The following HPSE2 variants were observed in gnomAD, a reference collection of about 807,000 sequenced individuals.
HPSE2 encodes heparanase 2 (inactive), also known as inactive heparanase-2.
A neutral mutation model predicts 60.5 loss-of-function variants in HPSE2; 38 were observed. That is an observed-to-expected ratio of 0.63 (90% CI 0.48 to 0.82). HPSE2 has a LOEUF of 0.82. HPSE2 is among the 40% of genes least tolerant of loss of function. The pLI is 0.00. For synonymous variants in HPSE2, 295 were observed against 293.2 expected, an observed-to-expected ratio of 1.01 and a Z score of -0.06; for missense variants, 713 against 740.4, an observed-to-expected ratio of 0.96 and a Z score of 0.43.
At chr10:98,717,618 T>C (rs899814889) in intron 5 of HPSE2, among the ~76,000 whole-genome samples, 9 of 151,956 alleles carry the variant, frequency 5.9e-5, no homozygotes, top group African/African-American at 2.2e-4. Flanking sequence ...GAATGGCTGG[T>C]GGGTGGAGCA....
chr10:98,535,083 CA>C (rs1327248814), intron 9 of HPSE2, among the ~76,000 whole-genome samples: 1 of 152,208 alleles, frequency 6.6e-6, no homozygotes, highest in Non-Finnish European at 1.5e-5. Flanking sequence ...AAAACAACTT[CA>C]TACTATATTT....
At chr10:99,184,509 A>C (rs1847896060) in intron 2 of HPSE2, among the ~76,000 whole-genome samples, 1 of 118,134 alleles carries the variant, frequency 8.5e-6, no homozygotes, top group Non-Finnish European at 1.7e-5. Flanking sequence ...TGGGCAACAG[A>C]GCGAGACTGT....
rs920557054 is a variant in HPSE2 at position 98,609,843 on chromosome 10, T to C, written c.1320+5061A>G. Among the ~76,000 whole-genome samples, 10 of 145,628 alleles carry C rather than the reference T, an allele frequency of 6.9e-5. No individual in the cohort carries two copies. The South Asian group carries it at 8.9e-4, about 13-fold the overall frequency. ...GGTGGTGTTCTTCTTCTTCTTCTTT[T>C]TTTTTTTTTTTTTTTTGAGACAGAG... On this transcript the variant is annotated intron_variant, in intron 9 of 11. Transcript: ENST00000370552.
At chr10:98,773,340 C>T (rs1262602822) in intron 3 of HPSE2, among the ~76,000 whole-genome samples, 1 of 152,156 alleles carries the variant, frequency 6.6e-6, no homozygotes, top group Non-Finnish European at 1.5e-5. Flanking sequence ...CTTTCTTTCT[C>T]TAAGCCAGTC....
chr10:98,800,083 C>A (rs917819666), intron 3 of HPSE2, among the ~76,000 whole-genome samples: 5 of 151,860 alleles, frequency 3.3e-5, no homozygotes, highest in Non-Finnish European at 7.4e-5. Flanking sequence ...ATAAATAAAA[C>A]CAGGTTGGGA....
intron 9 of HPSE2, among the ~76,000 whole-genome samples, chr10:98,564,457 GTTC>G (rs1239963950): frequency 2.0e-5 from 3 of 152,116 alleles, no homozygotes; most frequent in Admixed American, 1.3e-4. Flanking sequence ...AGTATTCTAT[GTTC>G]TTCTTTCAAA....
At chr10:98,569,227 C>T (rs979687242) in intron 9 of HPSE2, among the ~76,000 whole-genome samples, 6 of 151,984 alleles carry the variant, frequency 3.9e-5, no homozygotes, top group African/African-American at 1.4e-4. Flanking sequence ...CCACGCCCAG[C>T]TAATTTTTTT....
intron 6 of HPSE2, among the ~76,000 whole-genome samples, chr10:98,653,666 C>A (rs1240704050): frequency 6.6e-6 from 1 of 151,716 alleles, no homozygotes; most frequent in Non-Finnish European, 1.5e-5. Flanking sequence ...TTCTATCATT[C>A]ATTTCCCTTA....
At chr10:99,176,916 G>A (rs907893452) in intron 2 of HPSE2, among the ~76,000 whole-genome samples, 1 of 151,974 alleles carries the variant, frequency 6.6e-6, no homozygotes, top group East Asian at 1.9e-4. Context: ...GACTAACAGG[G>A]TATCTCTCTG....
chr10:98,984,920 G>A (rs2135314297), intron 3 of HPSE2, among the ~76,000 whole-genome samples: 2 of 152,262 alleles, frequency 1.3e-5, no homozygotes, highest in East Asian at 1.9e-4. Context: ...ATGAAATGAA[G>A]CGAGAAGGGA....
At position 99,042,653 on chromosome 10, in the gene HPSE2, C is replaced by T. The variant is rs188550676; in HGVS notation, c.610+101585G>A. 1.4e-3 allele frequency among the ~76,000 whole-genome samples: 199 copies of T among 139,294 alleles called. 8 individuals are homozygous for T. The East Asian group carries it at 0.024, about 16-fold the overall frequency. 91.4% of individuals were successfully genotyped at this position (139,294 alleles called of 152,430 possible). A position where few individuals can be genotyped will look rare whatever the true frequency, so the allele number is the denominator to read the frequency against. ...CCGTGGGAGCAGTGCATGCCTCCCT[C>T]GGAAGGGCCCACCGAGAAAGGTGTG... On this transcript the variant is annotated intron_variant, in intron 3 of 11. Coordinates refer to ENST00000370552, the MANE Select transcript of HPSE2 (RefSeq NM_021828.5).
chr10:98,933,036 G>T (rs1201987683), intron 3 of HPSE2, among the ~76,000 whole-genome samples: 1 of 143,784 alleles, frequency 7.0e-6, no homozygotes, highest in African/African-American at 2.8e-5. Context: ...TGGTTCTCTA[G>T]TTATTTTAGT....
intron 3 of HPSE2, among the ~76,000 whole-genome samples, chr10:98,805,127 C>T (rs983222611): frequency 3.0e-4 from 45 of 152,160 alleles, no homozygotes; most frequent in African/African-American, 9.6e-4. Context: ...GGATGGTTGT[C>T]AGAGGCTGGG....
chr10:98,988,158 T>G (rs1359751455), intron 3 of HPSE2, among the ~76,000 whole-genome samples: 1 of 152,198 alleles, frequency 6.6e-6, no homozygotes, highest in Non-Finnish European at 1.5e-5. Flanking sequence ...AAAGTTCATA[T>G]GGAACCAAAA....
intron 3 of HPSE2, among the ~76,000 whole-genome samples, chr10:98,944,287 G>C (rs945327999): frequency 6.6e-6 from 1 of 152,164 alleles, no homozygotes; most frequent in Non-Finnish European, 1.5e-5. Context: ...AGGCAGGAAA[G>C]AGCTCTGCTG....
intron 9 of HPSE2, among the ~76,000 whole-genome samples, chr10:98,520,164 A>G (rs1312186404): frequency 1.3e-5 from 2 of 152,184 alleles, no homozygotes; most frequent in Non-Finnish European, 2.9e-5. Flanking sequence ...CTGTCTATCA[A>G]TCCACCCTCT....
chr10:98,612,573 T>C (rs1945791634), intron 9 of HPSE2, among the ~76,000 whole-genome samples: 2 of 151,848 alleles, frequency 1.3e-5, no homozygotes, highest in Admixed American at 6.5e-5. Context: ...GGAATAGCAA[T>C]CAGCACATAG....
chr10:99,232,350 T>C lies in HPSE2; in HGVS notation c.446A>G (p.Asp149Gly). The change falls in exon 2 of 12, where the codon GAT becomes GGT. Residue 149 changes from aspartate to glycine, a missense_variant and splice_region_variant. Transcript: ENST00000370552. ...GPDYYLKNYE[D>G]DIVRSDVALD... ...AGAATGGTAATCAAGTTTCTCACCATCCTCATAGTTTTTGAGATAGTAATC... is the reference window on the plus strand; with the variant it reads ...AGAATGGTAATCAAGTTTCTCACCACCCTCATAGTTTTTGAGATAGTAATC... The C allele has an allele frequency of 6.4e-7, 1 of 1,551,470 alleles. No individual in the cohort carries two copies. Among genetic ancestry groups the C allele is most frequent in the South Asian group, 1.2e-5 (1 of 84,054 alleles).
rs1426578848 is a variant in HPSE2, at chr10:98,934,608, A to G, written c.611-190552T>C. 2.1e-5 allele frequency among the ~76,000 whole-genome samples: 3 copies of G among 143,852 alleles called. 1 individual carries two copies. The highest frequency in any genetic ancestry group is 8.5e-5 in the African/African-American group (3 of 35,292). 94.4% of individuals were successfully genotyped at this position (143,852 alleles called of 152,430 possible). On this transcript the variant is annotated intron_variant, in intron 3 of 11. Coordinates refer to ENST00000370552, the MANE Select transcript of HPSE2 (RefSeq NM_021828.5). The stretch of plus-strand genomic sequence containing the variant: ...TTAACAATGTTGAACATTGGCCCCC[A>G]ATTTCTTCTGGCTTGCAGAGTTTCT...
Sources: allele counts gnomAD v4.1 joint callset (sites outside exome capture counted in the v4.1 genomes callset), GRCh38; gene constraint gnomAD v4.1.1; transcripts MANE v1.5; gene names NCBI Gene and HGNC (gene_info 2026-07-23, HGNC 2026-07-21).